GAS7: variants seen among roughly 807,000 people sequenced by gnomAD.
GAS7 encodes the protein growth arrest-specific protein 7.
Under a neutral mutation model 71.1 loss-of-function variants are expected in GAS7, and 28 were observed. That is an observed-to-expected ratio of 0.39 (90% CI 0.29 to 0.54). The LOEUF (loss-of-function observed/expected upper bound fraction) is 0.54. Ranked by LOEUF, GAS7 falls within the 20% of genes least tolerant of loss-of-function variation. GAS7 has a pLI of 0.62. For missense variants in GAS7, 436 were observed against 627.8 expected, an observed-to-expected ratio of 0.69 and a Z score of 3.27; for synonymous variants, 258 against 245.8, an observed-to-expected ratio of 1.05 and a Z score of -0.46.
At chr17:10,098,174 C>T (rs764559536) in intron 1 of GAS7, among the ~76,000 whole-genome samples, 4 of 152,230 alleles carry the variant, frequency 2.6e-5, no homozygotes, top group Non-Finnish European at 5.9e-5. Context: ...CTCCAGGAGA[C>T]TCTTGGGCAC....
At chr17:9,983,997 A>T (rs2070538479) in intron 2 of GAS7, among the ~76,000 whole-genome samples, 2 of 152,104 alleles carry the variant, frequency 1.3e-5, no homozygotes, top group African/African-American at 4.8e-5. Flanking sequence ...ATGTAAAATG[A>T]GTTCAATAAG....
At chr17:10,159,786 C>A (rs1044539606) in intron 1 of GAS7, among the ~76,000 whole-genome samples, 1 of 134,536 alleles carries the variant, frequency 7.4e-6, no homozygotes, top group Admixed American at 7.6e-5. Flanking sequence ...GAAGTGTGAC[C>A]TTTTTTTTTT....
chr17:10,146,132 T>C (rs921227256), intron 1 of GAS7, among the ~76,000 whole-genome samples: 5 of 152,126 alleles, frequency 3.3e-5, no homozygotes, highest in Non-Finnish European at 7.4e-5. Context: ...GGTAAAACTG[T>C]CCACATCGAG....
intron 1 of GAS7, among the ~76,000 whole-genome samples, chr17:10,142,506 C>T (rs2074090755): frequency 6.6e-6 from 1 of 152,010 alleles, no homozygotes; most frequent in South Asian, 2.1e-4. Context: ...GTAGCTGGGA[C>T]TACAGGAGCG....
chr17:9,970,859 C>T (rs868150708), intron 3 of GAS7, among the ~76,000 whole-genome samples: 1 of 152,216 alleles, frequency 6.6e-6, no homozygotes, highest in African/African-American at 2.4e-5. Context: ...TACACGCACG[C>T]TCCTGACATC....
At chr17:10,164,875 G>A (rs1272436462) in intron 1 of GAS7, among the ~76,000 whole-genome samples, 6 of 149,958 alleles carry the variant, frequency 4.0e-5, no homozygotes, top group Admixed American at 6.7e-5. Flanking sequence ...AAGGCTGGGC[G>A]CAGTGGCTCA....
chr17:9,932,143 A>G (rs2068230227), intron 9 of GAS7, among the ~76,000 whole-genome samples: 2 of 150,420 alleles, frequency 1.3e-5, no homozygotes, highest in Admixed American at 6.6e-5. Flanking sequence ...CAGAGGGAAG[A>G]GCGAGGAGGC....
intron 1 of GAS7, among the ~76,000 whole-genome samples, chr17:10,189,168 G>A (rs1032081753): frequency 1.3e-5 from 2 of 152,290 alleles, no homozygotes; most frequent in East Asian, 1.9e-4. Flanking sequence ...AAGGGAAAAA[G>A]TGCATTACAA....
Position 10,019,806 on chromosome 17 carries a change from C to T in GAS7, c.275G>A (p.Arg92Gln), listed in dbSNP as rs772105221. Residue 92 changes from arginine to glutamine, a missense_variant, in exon 2 of 14, where the codon CGG becomes CAG. Coordinates refer to ENST00000432992, the MANE Select transcript of GAS7 (RefSeq NM_201433.2). Reference protein sequence around the residue: ...GWQSYLSPQGRRYYVNTTTNE... With the variant: ...GWQSYLSPQGQRYYVNTTTNE... ...GGTGGTCGTGTTGACATAGTACCGCCGGCCCTGAGGCGACAGGTAGCTCTG... is the reference window on the plus strand; with the variant it reads ...GGTGGTCGTGTTGACATAGTACCGCTGGCCCTGAGGCGACAGGTAGCTCTG... 1.9e-5 allele frequency: 31 copies of T among 1,613,918 alleles called. No individual in the cohort carries two copies. The East Asian group carries it at 2.2e-4, about 12-fold the overall frequency.
rs2067650368 is a variant in GAS7 at position 9,918,017 on chromosome 17, T to C, written c.1301A>G (p.Asp434Gly). ...CQYTQLRHET[D>G]MFNQSTVEPV... Reference sequence around the variant, plus strand: ...GAAACTCACGCTTTGGTTGAACATGTCTGTTTCATGCCGCAGCTGCGTGTA... The same window carrying C: ...GAAACTCACGCTTTGGTTGAACATGCCTGTTTCATGCCGCAGCTGCGTGTA... Residue 434 changes from aspartate to glycine, a missense_variant, in exon 13 of 14, where the codon GAC becomes GGC. Transcript: ENST00000432992. The C allele has an allele frequency of 6.2e-7, 1 of 1,612,892 alleles. No homozygotes were observed. The highest frequency in any genetic ancestry group is 8.5e-7 in the Non-Finnish European group (1 of 1,179,112).
intron 1 of GAS7, among the ~76,000 whole-genome samples, chr17:10,177,789 C>G (rs907982484): frequency 6.6e-6 from 1 of 152,138 alleles, no homozygotes; most frequent in Non-Finnish European, 1.5e-5. Context: ...TATATATAGT[C>G]TTGATGATTT....
chr17:9,980,983 C>T (rs887325206), intron 3 of GAS7, among the ~76,000 whole-genome samples: 5 of 152,160 alleles, frequency 3.3e-5, no homozygotes, highest in African/African-American at 1.2e-4. Context: ...GAACAAACCT[C>T]CCACCTATTA....
intron 1 of GAS7, among the ~76,000 whole-genome samples, chr17:10,123,934 CAA>C (rs1157302893): frequency 1.3e-5 from 2 of 152,224 alleles, no homozygotes; most frequent in Admixed American, 1.3e-4. Context: ...ACACAATGCA[CAA>C]GAGGCCAGTG....
Position 10,086,795 on chromosome 17 carries a change from A to C in GAS7, c.184-66898T>G, listed in dbSNP as rs1044031867. 3.3e-5 allele frequency among the ~76,000 whole-genome samples: 5 copies of C among 152,156 alleles called. No homozygotes were observed. In the East Asian group the frequency reaches 9.6e-4, roughly 29 times the overall value. On this transcript the variant is annotated intron_variant, in intron 1 of 13. Coordinates refer to ENST00000432992, the MANE Select transcript of GAS7 (RefSeq NM_201433.2). ...GGCATTTCCAGGGAGGAGGAAGAGG[A>C]ATCTTGGAAGAGACATTACTTAGCC...
chr17:10,196,049 G>A (rs2074537875), intron 1 of GAS7, among the ~76,000 whole-genome samples: 1 of 152,176 alleles, frequency 6.6e-6, no homozygotes, highest in Non-Finnish European at 1.5e-5. Context: ...GGATGCAGCT[G>A]TCCTCGTTTT....
At chr17:9,999,643 A>C (rs1567873047) in intron 2 of GAS7, among the ~76,000 whole-genome samples, 1 of 152,218 alleles carries the variant, frequency 6.6e-6, no homozygotes, top group Non-Finnish European at 1.5e-5. Flanking sequence ...GTGGCCACAA[A>C]GCCACTTGTA....
intron 1 of GAS7, among the ~76,000 whole-genome samples, chr17:10,081,685 A>C (rs2073458963): frequency 6.6e-6 from 1 of 152,210 alleles, no homozygotes; most frequent in Non-Finnish European, 1.5e-5. Context: ...ACACGACCTG[A>C]CTAGCAATGA....
At chr17:10,181,218 G>A (rs990340982) in intron 1 of GAS7, among the ~76,000 whole-genome samples, 1 of 151,172 alleles carries the variant, frequency 6.6e-6, no homozygotes. Context: ...AAATTAGCTG[G>A]GCGTGGTGGT....
intron 5 of GAS7, among the ~76,000 whole-genome samples, chr17:9,958,428 T>C (rs1221663426): frequency 1.3e-5 from 2 of 152,236 alleles, no homozygotes; most frequent in East Asian, 1.9e-4. Flanking sequence ...CTTGGTTTTG[T>C]CTCCACAGGG....
Sources: allele counts gnomAD v4.1 joint callset (sites outside exome capture counted in the v4.1 genomes callset), GRCh38; gene constraint gnomAD v4.1.1; transcripts MANE v1.5; gene names NCBI Gene and HGNC (gene_info 2026-07-23, HGNC 2026-07-21).